CYP7B1: variants seen among roughly 807,000 people sequenced by gnomAD.
CYP7B1 encodes cytochrome P450 7B1.
A neutral mutation model predicts 42.7 loss-of-function variants in CYP7B1; 29 were observed. That is an observed-to-expected ratio of 0.68 (90% CI 0.51 to 0.93). The LOEUF (loss-of-function observed/expected upper bound fraction) is 0.93. CYP7B1 is among the 40% of genes least tolerant of loss of function. The pLI is 0.00. For missense variants in CYP7B1, 655 were observed against 600.5 expected (o/e 1.09, Z -0.95); for synonymous variants, 235 against 218.2 (o/e 1.08, Z -0.68).
At chr8:64,729,839 A>G (rs1807382314) in intron 1 of CYP7B1, among the ~76,000 whole-genome samples, 1 of 152,210 alleles carries the variant, frequency 6.6e-6, no homozygotes, top group Non-Finnish European at 1.5e-5. Context: ...GTTTCTTGTC[A>G]GTGTCACTTC....
At chr8:64,627,060 G>A (rs1805619827) in intron 1 of CYP7B1, among the ~76,000 whole-genome samples, 1 of 152,154 alleles carries the variant, frequency 6.6e-6, no homozygotes, top group South Asian at 2.1e-4. Context: ...AGAAATAAAG[G>A]AAAGATTTTG....
chr8:64,754,691 G>A (rs552975632), intron 1 of CYP7B1, among the ~76,000 whole-genome samples: 148 of 152,284 alleles, frequency 9.7e-4, no homozygotes, highest in Non-Finnish European at 1.5e-3. Flanking sequence ...CCTGGGGATG[G>A]AGGTGCAGCT....
Position 64,798,487 on chromosome 8 carries a change from C to T in CYP7B1, c.101G>A (p.Cys34Tyr), listed in dbSNP as rs1031580133. 2.4e-4 allele frequency: 369 copies of T among 1,513,562 alleles called. No homozygotes were observed. The highest frequency in any genetic ancestry group is 3.0e-4 in the Non-Finnish European group (343 of 1,139,472). The allele number at this position is 1,513,562 out of a possible 1,614,324, so 93.8% of individuals were successfully genotyped here. A position where few individuals can be genotyped will look rare whatever the true frequency, so the allele number is the denominator to read the frequency against. Reference protein sequence around the residue: ...LAAALLLLALCLLVRRTRRPG... With the variant: ...LAAALLLLALYLLVRRTRRPG... ...TTACCTGGTGCGCCGGACAAGCAAG[C>T]AGAGGGCCAGGAGCAGCAGGGCCGC... Residue 34 changes from cysteine (C) to tyrosine (Y), a missense_variant, in exon 1 of 6, where the codon TGC becomes TAC. Physicochemically the swap from Cys to Tyr is radical, Grantham distance 194 (BLOSUM62 -2). Transcript: ENST00000310193.
intron 5 of CYP7B1, among the ~76,000 whole-genome samples, chr8:64,600,202 A>G: frequency 6.6e-6 from 1 of 152,232 alleles, no homozygotes; most frequent in East Asian, 1.9e-4. Flanking sequence ...AGCACTAGAA[A>G]TCAAGTTTGG....
chr8:64,700,667 T>C (rs1806902079), intron 1 of CYP7B1, among the ~76,000 whole-genome samples: 1 of 152,142 alleles, frequency 6.6e-6, no homozygotes, highest in African/African-American at 2.4e-5. Flanking sequence ...TTTACATTGA[T>C]AGCAAGCATT....
At chr8:64,751,953 TTCCTTTC>T (rs1032053584) in intron 1 of CYP7B1, among the ~76,000 whole-genome samples, 4 of 152,318 alleles carry the variant, frequency 2.6e-5, no homozygotes, top group Admixed American at 1.3e-4. Flanking sequence ...TTTATTTTTT[TTCCTTTC>T]TTATGTCATA....
chr8:64,737,949 T>C (rs1004672544), intron 1 of CYP7B1, among the ~76,000 whole-genome samples: 1 of 152,154 alleles, frequency 6.6e-6, no homozygotes, highest in African/African-American at 2.4e-5. Flanking sequence ...CTTTTTCAGA[T>C]GAGAGACAAC....
intron 1 of CYP7B1, among the ~76,000 whole-genome samples, chr8:64,735,154 T>A (rs1212052649): frequency 2.0e-5 from 3 of 152,194 alleles, no homozygotes; most frequent in Non-Finnish European, 4.4e-5. Flanking sequence ...AAAAACTGCA[T>A]GTTCCCTCAA....
intron 1 of CYP7B1, among the ~76,000 whole-genome samples, chr8:64,665,749 T>C (rs1440252174): frequency 6.6e-6 from 1 of 151,898 alleles, no homozygotes; most frequent in Non-Finnish European, 1.5e-5. Flanking sequence ...GTTAATTTTG[T>C]ATTTTTAGTA....
intron 1 of CYP7B1, among the ~76,000 whole-genome samples, chr8:64,760,121 A>G (rs1394165899): frequency 6.6e-6 from 1 of 152,158 alleles, no homozygotes; most frequent in African/African-American, 2.4e-5. Flanking sequence ...ATCTTCAACA[A>G]TATTGCCAAG....
At chr8:64,683,898 G>C (rs1049243101) in intron 1 of CYP7B1, among the ~76,000 whole-genome samples, 2 of 152,002 alleles carry the variant, frequency 1.3e-5, no homozygotes, top group African/African-American at 4.8e-5. Context: ...TGTTCTTCTA[G>C]ATACCCTCGT....
chr8:64,795,042 G>C (rs1804683247), intron 1 of CYP7B1, among the ~76,000 whole-genome samples: 2 of 151,198 alleles, frequency 1.3e-5, no homozygotes, highest in South Asian at 4.1e-4. Context: ...ACTTCGAAAA[G>C]TGTCAATTTT....
chr8:64,599,825 T>C (rs1163696129), intron 5 of CYP7B1, among the ~76,000 whole-genome samples: 1 of 152,196 alleles, frequency 6.6e-6, no homozygotes, highest in Non-Finnish European at 1.5e-5. Flanking sequence ...AAGAAATGGT[T>C]GATTACCTTT....
intron 5 of CYP7B1, among the ~76,000 whole-genome samples, chr8:64,599,220 G>T (rs1016888887): frequency 3.3e-5 from 5 of 151,750 alleles, no homozygotes; most frequent in Non-Finnish European, 7.4e-5. Context: ...ACGGAGTCTC[G>T]CTCTGTCGCC....
intron 1 of CYP7B1, among the ~76,000 whole-genome samples, chr8:64,650,655 C>CA (rs989514286): frequency 2.6e-5 from 4 of 151,788 alleles, no homozygotes; most frequent in African/African-American, 2.4e-5. Context: ...CTCAAAAAAA[C>CA]AAAAAAAGAA....
chr8:64,629,948 G>A (rs1000622945), intron 1 of CYP7B1, among the ~76,000 whole-genome samples: 1 of 152,174 alleles, frequency 6.6e-6, no homozygotes, highest in African/African-American at 2.4e-5. Flanking sequence ...TGAGAGGCCT[G>A]GTGGGGACAA....
In CYP7B1 at chr8:64,596,659, A is replaced by G. The variant is rs1459517009; in HGVS notation, c.1504T>C (p.Tyr502His). ...QYPDSDVLFR[Y>H]KVKS ...TAGCTTCTCTAAGATTTCACTTTGTATCTAAATAAAACATCAGAATCTGGA... is the reference window on the plus strand; with the variant it reads ...TAGCTTCTCTAAGATTTCACTTTGTGTCTAAATAAAACATCAGAATCTGGA... The change falls in exon 6 of 6, where the codon TAC (tyrosine) becomes CAC (histidine). Residue 502 changes from tyrosine (Y) to histidine (H), a missense_variant. By Grantham distance (83) the Tyr-to-His change is moderately conservative. Transcript: ENST00000310193. 6.2e-7 allele frequency: 1 copy of G among 1,613,012 alleles called. No homozygotes were observed. Among genetic ancestry groups the G allele is most frequent in the South Asian group, 1.1e-5 (1 of 90,870 alleles).
intron 1 of CYP7B1, among the ~76,000 whole-genome samples, chr8:64,762,978 C>T (rs1807911834): frequency 6.7e-6 from 1 of 148,492 alleles, no homozygotes; most frequent in East Asian, 1.9e-4. Flanking sequence ...TGGGTCCCCT[C>T]CCACTGTATG....
At chr8:64,601,385 T>A (rs1048388081) in intron 5 of CYP7B1, among the ~76,000 whole-genome samples, 1 of 152,200 alleles carries the variant, frequency 6.6e-6, no homozygotes, top group Admixed American at 6.5e-5. Flanking sequence ...TTTTTCCCTA[T>A]AAACCCCACA....
Sources: allele counts gnomAD v4.1 joint callset (sites outside exome capture counted in the v4.1 genomes callset), GRCh38; gene constraint gnomAD v4.1.1; transcripts MANE v1.5; gene names NCBI Gene and HGNC (gene_info 2026-07-23, HGNC 2026-07-21).